The following PTPRR variants were observed in gnomAD, a reference collection of about 807,000 sequenced individuals.
PTPRR encodes receptor-type tyrosine-protein phosphatase R.
PTPRR carries 38 observed loss-of-function variants against 77.2 expected under a neutral mutation model. The ratio of observed to expected loss-of-function variants is 0.49; its 90% CI spans 0.38 to 0.65. The LOEUF is 0.65. Ranked by LOEUF, PTPRR falls within the 30% of genes least tolerant of loss-of-function variation. PTPRR has a pLI of 0.00. For missense variants in PTPRR, 744 were observed against 799.2 expected (o/e 0.93, Z 0.83); for synonymous variants, 299 against 283.1 (o/e 1.06, Z -0.57).
intron 11 of PTPRR, among the ~76,000 whole-genome samples, chr12:70,661,631 G>A (rs1399878003): frequency 2.0e-5 from 3 of 152,114 alleles, no homozygotes; most frequent in Non-Finnish European, 4.4e-5. Flanking sequence ...CTTGGGTGAG[G>A]GCCCACACAC....
chr12:70,776,128 C>A (rs111436123), intron 2 of PTPRR, among the ~76,000 whole-genome samples: 4,642 of 152,226 alleles, frequency 0.03, 100 homozygotes, highest in Middle Eastern at 0.058. Flanking sequence ...TTCTTCCTAT[C>A]CACAATCAAA....
At chr12:70,701,787 A>G (rs11178373) in intron 6 of PTPRR, among the ~76,000 whole-genome samples, 9,447 of 152,082 alleles carry the variant, frequency 0.062, 473 homozygotes, top group East Asian at 0.15. Context: ...AACCTGGGCA[A>G]CATGGTAAAA....
intron 8 of PTPRR, among the ~76,000 whole-genome samples, chr12:70,694,729 G>A (rs181520071): frequency 4.9e-4 from 74 of 152,192 alleles, no homozygotes; most frequent in African/African-American, 1.6e-3. Context: ...GTGTCATGCC[G>A]TCAGAAGAAG....
At chr12:70,744,749 T>C (rs1323816054) in intron 6 of PTPRR, among the ~76,000 whole-genome samples, 2 of 152,072 alleles carry the variant, frequency 1.3e-5, no homozygotes, top group East Asian at 3.9e-4. Flanking sequence ...GGTTAGAAAA[T>C]GGAGACATGG....
At chr12:70,694,877 A>T (rs576191390) in intron 8 of PTPRR, among the ~76,000 whole-genome samples, 1 of 152,296 alleles carries the variant, frequency 6.6e-6, no homozygotes, top group African/African-American at 2.4e-5. Flanking sequence ...TTGATGTATG[A>T]TTATTATTAC....
rs1381048621 is a variant in PTPRR, at chr12:70,638,580, T to C, written c.*604A>G. ...GGAGGGACTATAAATACACATTTAA[T>C]AGGTAATATTATCAAGACACATTTC... On this transcript the variant is annotated 3_prime_UTR_variant, in exon 14 of 14. Coordinates refer to ENST00000283228, the MANE Select transcript of PTPRR (RefSeq NM_002849.4). 6.5e-6 allele frequency: 1 copy of C among 152,824 alleles called. No homozygotes were observed. The highest frequency in any genetic ancestry group is 2.1e-4 in the South Asian group (1 of 4,836). 9.5% of individuals were successfully genotyped at this position (152,824 alleles called of 1,614,324 possible).
intron 4 of PTPRR, chr12:70,754,536 C>T: frequency 1.9e-6 from 3 of 1,587,660 alleles, no homozygotes; most frequent in Non-Finnish European, 2.6e-6. Flanking sequence ...ATGGCATCTG[C>T]AGGTCCCAGG....
At chr12:70,886,379 G>A (rs1732285499) in intron 2 of PTPRR, among the ~76,000 whole-genome samples, 1 of 152,218 alleles carries the variant, frequency 6.6e-6, no homozygotes, top group Non-Finnish European at 1.5e-5. Flanking sequence ...ATTAAGTTAA[G>A]AGCAGAACAA....
intron 10 of PTPRR, among the ~76,000 whole-genome samples, chr12:70,674,841 C>T (rs1366783823): frequency 1.3e-5 from 2 of 151,962 alleles, no homozygotes; most frequent in Non-Finnish European, 2.9e-5. Context: ...TGGGTTTTCT[C>T]CCAGTGTGAT....
At chr12:70,826,922 C>G (rs1258856098) in intron 2 of PTPRR, among the ~76,000 whole-genome samples, 1 of 152,204 alleles carries the variant, frequency 6.6e-6, no homozygotes, top group Admixed American at 6.5e-5. Flanking sequence ...TGTGAACATG[C>G]CAAACCTGCA....
intron 2 of PTPRR, among the ~76,000 whole-genome samples, chr12:70,818,835 A>C (rs1307334177): frequency 6.6e-6 from 1 of 152,234 alleles, no homozygotes; most frequent in Non-Finnish European, 1.5e-5. Context: ...ATTCCAAAAA[A>C]AAATCATGGT....
At chr12:70,830,292 AG>A (rs1892189215) in intron 2 of PTPRR, among the ~76,000 whole-genome samples, 1 of 152,322 alleles carries the variant, frequency 6.6e-6, no homozygotes, top group East Asian at 1.9e-4. Flanking sequence ...TTACAATAAA[AG>A]GATATTTCTC....
intron 6 of PTPRR, among the ~76,000 whole-genome samples, chr12:70,712,208 C>T (rs1356810324): frequency 1.3e-5 from 2 of 151,846 alleles, no homozygotes; most frequent in African/African-American, 2.4e-5. Context: ...GGAAGGAAGG[C>T]GCCAATTACC....
chr12:70,724,017 G>A (rs1481511059), intron 6 of PTPRR, among the ~76,000 whole-genome samples: 3 of 152,152 alleles, frequency 2.0e-5, no homozygotes, highest in African/African-American at 7.2e-5. Flanking sequence ...GAGGAAGAAT[G>A]AAATAGGAGA....
intron 2 of PTPRR, among the ~76,000 whole-genome samples, chr12:70,796,668 G>C (rs1029879143): frequency 6.6e-6 from 1 of 151,820 alleles, no homozygotes; most frequent in African/African-American, 2.4e-5. Context: ...CCATGAAAAG[G>C]AAATTAATGA....
intron 10 of PTPRR, among the ~76,000 whole-genome samples, chr12:70,670,283 T>C (rs1256568869): frequency 6.6e-6 from 1 of 152,170 alleles, no homozygotes; most frequent in Non-Finnish European, 1.5e-5. Context: ...GGACCAAAAG[T>C]GGGTTGCTTG....
chr12:70,768,704 A>C (rs1374113660), intron 2 of PTPRR, among the ~76,000 whole-genome samples: 5 of 152,080 alleles, frequency 3.3e-5, no homozygotes, highest in South Asian at 2.1e-4. Flanking sequence ...GAGATACAAC[A>C]AAAAAAGAGA....
chr12:70,765,607 A>G (rs1452408588), intron 2 of PTPRR, among the ~76,000 whole-genome samples: 1 of 152,228 alleles, frequency 6.6e-6, no homozygotes. Flanking sequence ...AAAAGACAGC[A>G]GTAACCTCTG....
chr12:70,838,839 C>T (rs776036143), intron 2 of PTPRR, among the ~76,000 whole-genome samples: 8 of 152,094 alleles, frequency 5.3e-5, no homozygotes, highest in African/African-American at 1.4e-4. Flanking sequence ...GTTTGACTAA[C>T]GGGGATTGTT....
Sources: gnomAD v4.1 joint callset for allele counts (sites outside exome capture counted in the v4.1 genomes callset) on GRCh38, gnomAD v4.1.1 for gene constraint, MANE v1.5 for transcripts, NCBI Gene and HGNC (gene_info 2026-07-23, HGNC 2026-07-21) for gene names.